PARD3B: variants seen among roughly 807,000 people sequenced by gnomAD.
PARD3B encodes par-3 family cell polarity regulator beta, also known as partitioning defective 3 homolog B.
A neutral mutation model predicts 130.2 loss-of-function variants in PARD3B; 103 were observed. That is an observed-to-expected ratio of 0.79 (90% CI 0.67 to 0.93). The LOEUF is 0.93. PARD3B is among the 40% of genes least tolerant of loss of function. The probability of loss-of-function intolerance (pLI) is 0.00; values close to 1 mark genes in which losing one functional copy is unlikely to be tolerated. For synonymous variants in PARD3B, 583 were observed against 553.2 expected, an observed-to-expected ratio of 1.05 and a Z score of -0.76; for missense variants, 1,609 against 1,499.2, an observed-to-expected ratio of 1.07 and a Z score of -1.21.
chr2:204,757,125 G>T (rs529851550), intron 2 of PARD3B, among the ~76,000 whole-genome samples: 13 of 152,184 alleles, frequency 8.5e-5, no homozygotes, highest in Non-Finnish European at 1.9e-4. Context: ...GTATTCCATG[G>T]TGTATGTGTA....
chr2:205,284,958 T>C (rs1407976984), intron 16 of PARD3B, among the ~76,000 whole-genome samples: 3 of 151,220 alleles, frequency 2.0e-5, no homozygotes, highest in Non-Finnish European at 4.4e-5. Flanking sequence ...TAAGTCACAT[T>C]GCTCAAAAGT....
chr2:205,232,243 A>G (rs1312561344), intron 15 of PARD3B, among the ~76,000 whole-genome samples: 3 of 152,166 alleles, frequency 2.0e-5, no homozygotes, highest in Admixed American at 2.0e-4. Context: ...TGAGGCCGAG[A>G]GTTTGAGACC....
intron 1 of PARD3B, among the ~76,000 whole-genome samples, chr2:204,648,577 T>A (rs1439868587): frequency 3.9e-5 from 5 of 126,882 alleles, no homozygotes; most frequent in East Asian, 2.0e-4. Context: ...TAAATATATA[T>A]TATATATTAT....
intron 2 of PARD3B, among the ~76,000 whole-genome samples, chr2:204,742,522 G>A (rs966033913): frequency 4.1e-4 from 63 of 152,152 alleles, no homozygotes; most frequent in African/African-American, 1.4e-3. Context: ...CATCACTGGG[G>A]CAGCTGAGTG....
chr2:205,404,953 C>A (rs2046369939), intron 19 of PARD3B, among the ~76,000 whole-genome samples: 1 of 152,182 alleles, frequency 6.6e-6, no homozygotes, highest in Admixed American at 6.5e-5. Context: ...ATTGATCTAA[C>A]CTCAATTCTA....
intron 2 of PARD3B, among the ~76,000 whole-genome samples, chr2:204,958,699 A>G (rs75779795): frequency 0.044 from 6,649 of 152,262 alleles, 172 homozygotes; most frequent in African/African-American, 0.062. Flanking sequence ...GCCAGCCTCT[A>G]TGCTCAGCAT....
chr2:205,482,445 T>G (rs1443627224), intron 20 of PARD3B: 1 of 152,214 alleles, frequency 6.6e-6, no homozygotes, highest in Non-Finnish European at 1.5e-5. Context: ...GGCAGAGGAT[T>G]GTTTTTTAAA....
chr2:205,030,456 A>T (rs1697336340), intron 3 of PARD3B, among the ~76,000 whole-genome samples: 1 of 152,148 alleles, frequency 6.6e-6, no homozygotes, highest in Non-Finnish European at 1.5e-5. Context: ...ATCCAAATAC[A>T]GCATTGTGAA....
At chr2:205,036,299 A>T (rs1228493674) in intron 3 of PARD3B, among the ~76,000 whole-genome samples, 1 of 147,450 alleles carries the variant, frequency 6.8e-6, no homozygotes, top group Non-Finnish European at 1.5e-5. Flanking sequence ...TGGGCTATAT[A>T]TATAAAAATA....
chr2:205,384,093 A>G (rs1184156048), intron 18 of PARD3B, among the ~76,000 whole-genome samples: 2 of 152,062 alleles, frequency 1.3e-5, no homozygotes, highest in African/African-American at 4.8e-5. Flanking sequence ...TGCCACAACC[A>G]TCAGTCATTT....
rs2041981031 is a variant in PARD3B, at chr2:205,301,090, T to G, written c.2392+354T>G. On this transcript the variant is annotated intron_variant, in intron 17 of 22. Transcript: ENST00000406610. The surrounding 1 kb of genome is among the most constrained non-coding windows in gnomAD (Gnocchi z 5.2). ...CATCAATCCAAGGACTCCGACTGCATTAATTGGGTAGAAGCAGTTGGGATA... is the reference window on the plus strand; with the variant it reads ...CATCAATCCAAGGACTCCGACTGCAGTAATTGGGTAGAAGCAGTTGGGATA... Among the ~76,000 whole-genome samples, 1 of 152,196 alleles carries G rather than the reference T, an allele frequency of 6.6e-6. No individual in the cohort carries two copies. Among genetic ancestry groups the G allele is most frequent in the Admixed American group, 6.5e-5 (1 of 15,280 alleles).
chr2:205,046,776 C>A (rs2125410602), intron 3 of PARD3B, among the ~76,000 whole-genome samples: 1 of 152,272 alleles, frequency 6.6e-6, no homozygotes. Flanking sequence ...TTTAAAACCA[C>A]AAGCAGATTT....
intron 2 of PARD3B, among the ~76,000 whole-genome samples, chr2:204,937,031 A>G (rs148333733): frequency 1.3e-3 from 193 of 152,390 alleles, no homozygotes; most frequent in African/African-American, 4.4e-3. Context: ...ATAGACAAAG[A>G]AGTGAATAGA....
chr2:205,441,194 G>A (rs368833959), intron 20 of PARD3B, among the ~76,000 whole-genome samples: 1 of 152,088 alleles, frequency 6.6e-6, no homozygotes, highest in African/African-American at 2.4e-5. Context: ...ATGATCAGAG[G>A]TAGAAAAAGA....
intron 4 of PARD3B, among the ~76,000 whole-genome samples, chr2:205,073,800 A>G (rs1006333655): frequency 9.9e-5 from 15 of 152,150 alleles, no homozygotes; most frequent in Non-Finnish European, 1.3e-4. Flanking sequence ...TATTGGAAAG[A>G]TGTGTTGAAT....
rs370146710 is a variant in PARD3B at position 205,401,622 on chromosome 2, G to A, written c.2741+499G>A. Reference sequence around the variant, plus strand: ...AAGCTGAAGAGTATGTTGCCCATCTGTTAAAGGGCCGGCTTCATTTGCTGG... The same window carrying A: ...AAGCTGAAGAGTATGTTGCCCATCTATTAAAGGGCCGGCTTCATTTGCTGG... On this transcript the variant is annotated intron_variant, in intron 19 of 22. Transcript: ENST00000406610. Among the ~76,000 whole-genome samples, 162 of 152,296 alleles carry A rather than the reference G, an allele frequency of 1.1e-3. 1 individual carries two copies. The highest frequency in any genetic ancestry group is 3.7e-3 in the African/African-American group (154 of 41,566).
chr2:204,618,159 A>G (rs145906393), intron 1 of PARD3B, among the ~76,000 whole-genome samples: 517 of 152,262 alleles, frequency 3.4e-3, no homozygotes, highest in African/African-American at 0.012. Context: ...AACATTTCTT[A>G]TCTGAACTGC....
intron 2 of PARD3B, among the ~76,000 whole-genome samples, chr2:204,827,249 C>G (rs1287890494): frequency 6.6e-6 from 1 of 152,102 alleles, no homozygotes; most frequent in Non-Finnish European, 1.5e-5. Flanking sequence ...TTGGCAACAT[C>G]CTACTTTATT....
intron 1 of PARD3B, among the ~76,000 whole-genome samples, chr2:204,611,935 A>G (rs1228262235): frequency 1.3e-5 from 2 of 152,184 alleles, no homozygotes; most frequent in African/African-American, 2.4e-5. Context: ...TTCAAAGCCT[A>G]TTGACTTTTA....
Sources: allele counts gnomAD v4.1 joint callset (sites outside exome capture counted in the v4.1 genomes callset), GRCh38; gene constraint gnomAD v4.1.1; non-coding constraint Gnocchi (gnomAD v3.1); transcripts MANE v1.5; gene names NCBI Gene and HGNC (gene_info 2026-07-23, HGNC 2026-07-21).